Variants in GATAD2A observed in about 807,000 individuals in gnomAD.
GATAD2A encodes the protein transcriptional repressor p66-alpha.
A neutral mutation model predicts 68.5 loss-of-function variants in GATAD2A; 12 were observed. The observed-to-expected ratio is 0.18, with a 90% CI of 0.11 to 0.28. The LOEUF (loss-of-function observed/expected upper bound fraction) is 0.28. Among genes scored for constraint, GATAD2A ranks in the 10% least tolerant of loss-of-function variants. GATAD2A has a pLI of 1.00. For synonymous variants in GATAD2A, 410 were observed against 375.3 expected (o/e 1.09, Z -1.07); for missense variants, 755 against 868.5 (o/e 0.87, Z 1.64).
At chr19:19,434,633 A>C (rs1291870042) in intron 1 of GATAD2A, among the ~76,000 whole-genome samples, 1 of 152,218 alleles carries the variant, frequency 6.6e-6, no homozygotes, top group African/African-American at 2.4e-5. Flanking sequence ...GGCAAGCTAC[A>C]ACTGACAGAA....
chr19:19,387,473 C>A (rs917453669), intron 1 of GATAD2A, among the ~76,000 whole-genome samples: 1 of 152,116 alleles, frequency 6.6e-6, no homozygotes, highest in South Asian at 2.1e-4. Context: ...GCACCCACCA[C>A]CATGCCTGGC....
chr19:19,493,344 A>G (rs1337822921), intron 4 of GATAD2A, among the ~76,000 whole-genome samples: 1 of 152,152 alleles, frequency 6.6e-6, no homozygotes, highest in African/African-American at 2.4e-5. Context: ...GGCCGCCTGC[A>G]CTGTGGGCGC....
intron 1 of GATAD2A, among the ~76,000 whole-genome samples, chr19:19,456,512 A>G (rs2056953136): frequency 6.6e-6 from 1 of 152,160 alleles, no homozygotes; most frequent in South Asian, 2.1e-4. Flanking sequence ...TTGGGCTCCT[A>G]TCTTACGTCA....
In GATAD2A at chr19:19,436,085, A is replaced by G. The variant is rs958129367; in HGVS notation, c.-6-29255A>G. 7 of 1,040,896 alleles carry G rather than the reference A, an allele frequency of 6.7e-6. No individual in the cohort carries two copies. The African/African-American group carries it at 1.1e-4, about 17-fold the overall frequency. 64.5% of individuals were successfully genotyped at this position (1,040,896 alleles called of 1,614,324 possible). A position where few individuals can be genotyped will look rare whatever the true frequency, so the allele number is the denominator to read the frequency against. On this transcript the variant is annotated intron_variant, in intron 1 of 11. Coordinates refer to ENST00000683918, the MANE Select transcript of GATAD2A (RefSeq NM_001384528.1). ...TTAGAAATGCCAGTATGTTCCAGAA[A>G]CCTTGCTTGGAAACACAGTGTTTCT... is the stretch of plus-strand genomic sequence containing the variant.
chr19:19,405,052 G>T (rs1425828403), upstream of GATAD2A, among the ~76,000 whole-genome samples: 1 of 152,160 alleles, frequency 6.6e-6, no homozygotes, highest in African/African-American at 2.4e-5. Context: ...AGAGGGAGGG[G>T]TGCAGATTTG....
At chr19:19,497,011 G>GT (rs1379380119) in intron 7 of GATAD2A, among the ~76,000 whole-genome samples, 2 of 152,226 alleles carry the variant, frequency 1.3e-5, no homozygotes, top group Non-Finnish European at 2.9e-5. Flanking sequence ...ACCCAGGCAG[G>GT]TAGTTTCATA....
intron 1 of GATAD2A, among the ~76,000 whole-genome samples, chr19:19,451,580 T>A (rs2056396413): frequency 3.3e-5 from 5 of 152,214 alleles, no homozygotes; most frequent in Admixed American, 3.3e-4. Flanking sequence ...GTTCTGTGGC[T>A]CTATCCAGCT....
chr19:19,458,964 GTTTC>G (rs1009957873), intron 1 of GATAD2A, among the ~76,000 whole-genome samples: 7 of 152,080 alleles, frequency 4.6e-5, no homozygotes, highest in African/African-American at 1.4e-4. Flanking sequence ...TTCTTTGTTA[GTTTC>G]TTTCTTTCCT....
chr19:19,446,577 T>G (rs2055748597), intron 1 of GATAD2A, among the ~76,000 whole-genome samples: 1 of 152,220 alleles, frequency 6.6e-6, no homozygotes, highest in South Asian at 2.1e-4. Flanking sequence ...ATTGTGCTTA[T>G]ATGTAAGACT....
Position 19,498,516 on chromosome 19 carries a change from C to T in GATAD2A, c.998C>T (p.Ser333Phe). Residue 333 changes from serine (S) to phenylalanine (F), a missense_variant, in exon 8 of 12, where the codon TCT becomes TTT. By Grantham distance (155) the Ser-to-Phe change is radical. Coordinates refer to ENST00000683918, the MANE Select transcript of GATAD2A (RefSeq NM_001384528.1). ...QANSTPTSVASVVTSAESPAS... is the reference protein window; with the variant it reads ...QANSTPTSVAFVVTSAESPAS... ...AACTCCACCCCCACTAGTGTGGCCT[C>T]TGTGGTCACCTCTGCCGAGTCTCCA... The T allele has an allele frequency of 1.9e-6, 3 of 1,613,864 alleles. No homozygotes were observed. The highest frequency in any genetic ancestry group is 2.5e-6 in the Non-Finnish European group (3 of 1,179,880).
At chr19:19,500,413 CTG>C (rs1025745099) in intron 8 of GATAD2A, among the ~76,000 whole-genome samples, 4 of 151,870 alleles carry the variant, frequency 2.6e-5, no homozygotes, top group Non-Finnish European at 5.9e-5. Context: ...CTGACATTGT[CTG>C]TGATGACCAA....
At chr19:19,455,011 C>G (rs1224214166) in intron 1 of GATAD2A, among the ~76,000 whole-genome samples, 1 of 152,090 alleles carries the variant, frequency 6.6e-6, no homozygotes, top group African/African-American at 2.4e-5. Context: ...AGTTGGGCCT[C>G]CATATCCTTG....
intron 1 of GATAD2A, among the ~76,000 whole-genome samples, chr19:19,455,144 C>T (rs1455498753): frequency 6.6e-6 from 1 of 151,968 alleles, no homozygotes; most frequent in Non-Finnish European, 1.5e-5. Flanking sequence ...CTCTTGAGCC[C>T]AGGAGCTTGA....
At position 19,505,538 on chromosome 19, in the gene GATAD2A, A is replaced by C; in HGVS notation, c.*64A>C. 7 of 1,397,274 alleles carry C rather than the reference A, an allele frequency of 5.0e-6. No homozygotes were observed. The highest frequency in any genetic ancestry group is 6.8e-6 in the Non-Finnish European group (7 of 1,035,118). The allele number at this position is 1,397,274 out of a possible 1,614,324, so 86.6% of individuals were successfully genotyped here. A position where few individuals can be genotyped will look rare whatever the true frequency, so the allele number is the denominator to read the frequency against. On this transcript the variant is annotated 3_prime_UTR_variant, in exon 12 of 12. Coordinates refer to ENST00000683918, the MANE Select transcript of GATAD2A (RefSeq NM_001384528.1). ...CCCACCTGGCCCCTGGTCTAGAAGG[A>C]CCCACTGCACCACCCTCCGCTGGCT...
At chr19:19,469,099 G>C (rs1441478355) in intron 2 of GATAD2A, among the ~76,000 whole-genome samples, 1 of 152,116 alleles carries the variant, frequency 6.6e-6, no homozygotes. Context: ...GTAATGCCTA[G>C]AGCAGCTCTG....
rs559842411 is a variant in GATAD2A, at chr19:19,424,734, C to T, written c.-7+18715C>T. ...TTGGGGTCTGGGGCCTCAGAGGCAG[C>T]GACTGTGCTGTGCATTGGTGAAGGA... On this transcript the variant is annotated intron_variant, in intron 1 of 11. Coordinates refer to ENST00000683918, the MANE Select transcript of GATAD2A (RefSeq NM_001384528.1). Among the ~76,000 whole-genome samples the T allele has an allele frequency of 9.2e-5, 14 of 152,276 alleles. No individual in the cohort carries two copies. In the South Asian group the frequency reaches 1.5e-3, roughly 16 times the overall value.
chr19:19,403,082 T>C (rs1012105142), upstream of GATAD2A, among the ~76,000 whole-genome samples: 2 of 122,594 alleles, frequency 1.6e-5, no homozygotes, highest in Admixed American at 1.6e-4. Context: ...CAGCACTAAG[T>C]ATTGACTGTC....
intron 11 of GATAD2A, 53 bp downstream of exon 11, chr19:19,502,579 CCTT>C: frequency 7.3e-7 from 1 of 1,360,684 alleles, no homozygotes; most frequent in Non-Finnish European, 1.0e-6. Flanking sequence ...TGGGGTTCAC[CCTT>C]CCTTAACCGA....
chr19:19,441,383 CTTT>C (rs1198794951), intron 1 of GATAD2A, among the ~76,000 whole-genome samples: 1 of 151,708 alleles, frequency 6.6e-6, no homozygotes, highest in Non-Finnish European at 1.5e-5. Context: ...AAAGCACTAG[CTTT>C]TTTATTTTTA....
Sources: allele counts gnomAD v4.1 joint callset (sites outside exome capture counted in the v4.1 genomes callset), GRCh38; gene constraint gnomAD v4.1.1; transcripts MANE v1.5; gene names NCBI Gene and HGNC (gene_info 2026-07-23, HGNC 2026-07-21).